The following SPIDR variants were observed in gnomAD, a reference collection of about 807,000 sequenced individuals.
SPIDR encodes scaffold protein involved in DNA repair, also known as DNA repair-scaffolding protein.
Under a neutral mutation model 104.6 loss-of-function variants are expected in SPIDR, and 93 were observed. The ratio of observed to expected loss-of-function variants is 0.89; its 90% CI spans 0.75 to 1.06. The LOEUF is 1.06. Ranked by LOEUF, SPIDR falls within the 50% of genes least tolerant of loss-of-function variation. SPIDR has a pLI of 0.00. For synonymous variants in SPIDR, 431 were observed against 416.9 expected (o/e 1.03, Z -0.41); for missense variants, 1,154 against 1,111.2 (o/e 1.04, Z -0.55).
intron 8 of SPIDR, among the ~76,000 whole-genome samples, chr8:47,500,563 A>T (rs1214097597): frequency 6.6e-6 from 1 of 152,116 alleles, no homozygotes; most frequent in Non-Finnish European, 1.5e-5. Flanking sequence ...AGATGGGTAG[A>T]TTGCAAAAAT....
chr8:47,588,026 CATATATATATAT>C lies in SPIDR; in HGVS notation c.1098-7735_1098-7724del, dbSNP rs71548440. Among the ~76,000 whole-genome samples, 147 of 23,364 alleles carry C rather than the reference CATATATATATAT, an allele frequency of 6.3e-3. 1 individual carries two copies. Among genetic ancestry groups the C allele is most frequent in the East Asian group, 9.2e-3 (3 of 326 alleles). 15.3% of individuals were successfully genotyped at this position (23,364 alleles called of 152,430 possible). On this transcript the variant is annotated intron_variant, in intron 8 of 19. Transcript: ENST00000297423. ...CTTTCCTTGCAACTTTTAAAATTAG[CATATATATATAT>C]ATATATATATATATATATATATATA...
At chr8:47,417,042 T>A (rs1554675950) in intron 7 of SPIDR, among the ~76,000 whole-genome samples, 1 of 152,122 alleles carries the variant, frequency 6.6e-6, no homozygotes, top group Non-Finnish European at 1.5e-5. Flanking sequence ...GACATTTGGG[T>A]TGGTTCCAAG....
At chr8:47,292,805 T>C (rs1012274685) in intron 4 of SPIDR, among the ~76,000 whole-genome samples, 1 of 152,134 alleles carries the variant, frequency 6.6e-6, no homozygotes, top group Non-Finnish European at 1.5e-5. Flanking sequence ...CTGTTTTCTC[T>C]ATTGTATTTA....
chr8:47,298,508 T>G (rs1158297717), intron 5 of SPIDR, among the ~76,000 whole-genome samples: 1 of 152,184 alleles, frequency 6.6e-6, no homozygotes, highest in African/African-American at 2.4e-5. Context: ...TTTTGGTGTT[T>G]TAGACATGAA....
intron 8 of SPIDR, among the ~76,000 whole-genome samples, chr8:47,534,577 A>G (rs971874411): frequency 6.6e-6 from 1 of 152,194 alleles, no homozygotes; most frequent in African/African-American, 2.4e-5. Flanking sequence ...GAGCTAAATG[A>G]TAAGAACTTA....
intron 8 of SPIDR, among the ~76,000 whole-genome samples, chr8:47,588,740 C>T (rs1275948696): frequency 6.6e-6 from 1 of 152,120 alleles, no homozygotes; most frequent in East Asian, 1.9e-4. Flanking sequence ...TGTGGAAGTT[C>T]TCTTTCTGAT....
chr8:47,696,435 A>G (rs567052416), intron 11 of SPIDR, among the ~76,000 whole-genome samples: 2 of 152,284 alleles, frequency 1.3e-5, no homozygotes, highest in Non-Finnish European at 2.9e-5. Context: ...TCTCTCAAGG[A>G]TCTGGTAATT....
intron 1 of SPIDR, among the ~76,000 whole-genome samples, chr8:47,275,971 C>A (rs2036345843): frequency 1.3e-5 from 2 of 152,176 alleles, no homozygotes; most frequent in African/African-American, 4.8e-5. Context: ...ATCCTCTTGC[C>A]TCAGACCCCT....
At chr8:47,648,578 CAG>C (rs1251257182) in intron 10 of SPIDR, among the ~76,000 whole-genome samples, 17 of 152,118 alleles carry the variant, frequency 1.1e-4, no homozygotes, top group African/African-American at 3.4e-4. Flanking sequence ...AGTGATACGT[CAG>C]TAGCAATGAG....
intron 8 of SPIDR, among the ~76,000 whole-genome samples, chr8:47,491,345 T>A (rs782293894): frequency 6.6e-5 from 10 of 152,082 alleles, no homozygotes; most frequent in Non-Finnish European, 1.5e-4. Flanking sequence ...TAAATAAAAT[T>A]CTGTTTATTT....
intron 5 of SPIDR, among the ~76,000 whole-genome samples, chr8:47,384,670 A>T (rs1352860675): frequency 1.3e-5 from 2 of 152,166 alleles, no homozygotes; most frequent in African/African-American, 4.8e-5. Context: ...AGCAGCTGCC[A>T]GTTTAGACAG....
intron 6 of SPIDR, among the ~76,000 whole-genome samples, chr8:47,402,514 A>G (rs572096227): frequency 6.6e-6 from 1 of 152,346 alleles, no homozygotes; most frequent in African/African-American, 2.4e-5. Flanking sequence ...AAAATGATAA[A>G]GGGAATATCA....
intron 8 of SPIDR, among the ~76,000 whole-genome samples, chr8:47,479,735 C>A (rs533505664): frequency 6.6e-6 from 1 of 152,282 alleles, no homozygotes; most frequent in East Asian, 1.9e-4. Flanking sequence ...AAGGAATTTG[C>A]TACACATTCT....
At chr8:47,454,459 A>G (rs1301629725) in intron 8 of SPIDR, among the ~76,000 whole-genome samples, 1 of 151,812 alleles carries the variant, frequency 6.6e-6, no homozygotes, top group Non-Finnish European at 1.5e-5. Flanking sequence ...GGGAAACATC[A>G]CACACCAGGG....
chr8:47,439,039 T>C (rs2068882774), intron 7 of SPIDR, among the ~76,000 whole-genome samples: 1 of 152,246 alleles, frequency 6.6e-6, no homozygotes, highest in South Asian at 2.1e-4. Flanking sequence ...TTCATTTTTG[T>C]TGTTCTCAGT....
chr8:47,371,652 G>A (rs574451037), intron 5 of SPIDR, among the ~76,000 whole-genome samples: 1 of 152,226 alleles, frequency 6.6e-6, no homozygotes, highest in South Asian at 2.1e-4. Flanking sequence ...TAGGAATCTT[G>A]GGGGGAGACA....
In SPIDR at chr8:47,551,452, G is replaced by T. The variant is rs933923271; in HGVS notation, c.1098-44359G>T. Among the ~76,000 whole-genome samples, 6 of 152,182 alleles carry T rather than the reference G, an allele frequency of 3.9e-5. No homozygotes were observed. The East Asian group carries it at 1.2e-3, about 29-fold the overall frequency. On this transcript the variant is annotated intron_variant, in intron 8 of 19. Transcript: ENST00000297423. ...AATTATTGCCTCAATTTCAGAGCCT[G>T]TTATCAGTCTATTGAGAGATTCAAC...
chr8:47,588,647 C>A (rs2060590558), intron 8 of SPIDR, among the ~76,000 whole-genome samples: 1 of 152,040 alleles, frequency 6.6e-6, no homozygotes, highest in South Asian at 2.1e-4. Context: ...CCTTGTTTTC[C>A]ATCTTAGGTG....
chr8:47,463,235 C>G (rs1413616936), intron 8 of SPIDR, among the ~76,000 whole-genome samples: 1 of 151,852 alleles, frequency 6.6e-6, no homozygotes, highest in Non-Finnish European at 1.5e-5. Context: ...GTGGTGGGCG[C>G]CCGTAGTTTC....
Sources: gnomAD v4.1 joint callset for allele counts (sites outside exome capture counted in the v4.1 genomes callset) on GRCh38, gnomAD v4.1.1 for gene constraint, MANE v1.5 for transcripts, NCBI Gene and HGNC (gene_info 2026-07-23, HGNC 2026-07-21) for gene names.